Variants in TRPM3 observed in about 807,000 individuals in gnomAD.
TRPM3 encodes long transient receptor potential channel 3.
A neutral mutation model predicts 181.2 loss-of-function variants in TRPM3; 77 were observed. The observed-to-expected ratio is 0.42, with a 90% CI of 0.35 to 0.51. The LOEUF (loss-of-function observed/expected upper bound fraction) is 0.51, where lower values mean the gene tolerates loss of function less well. Among genes scored for constraint, TRPM3 ranks in the 20% least tolerant of loss-of-function variants. The pLI is 0.01. For missense variants in TRPM3, 1,759 were observed against 2,196.7 expected (o/e 0.80, Z 3.98); for synonymous variants, 745 against 796.4 (o/e 0.94, Z 1.09).
At chr9:71,190,951 C>A (rs2077984093) in intron 1 of TRPM3, among the ~76,000 whole-genome samples, 1 of 151,814 alleles carries the variant, frequency 6.6e-6, no homozygotes, top group Admixed American at 6.6e-5. Flanking sequence ...ACATAAGCTT[C>A]AATCCAAGCA....
At chr9:70,803,521 T>G in intron 6 of TRPM3, among the ~76,000 whole-genome samples, 1 of 145,100 alleles carries the variant, frequency 6.9e-6, no homozygotes, top group Non-Finnish European at 1.5e-5. Flanking sequence ...CGATCTCGGC[T>G]CACTGCAAGC....
intron 4 of TRPM3, among the ~76,000 whole-genome samples, chr9:70,844,441 C>G (rs1430336084): frequency 6.6e-6 from 1 of 151,944 alleles, no homozygotes; most frequent in Non-Finnish European, 1.5e-5. Context: ...AACAAACAAA[C>G]AAACAAACAA....
intron 1 of TRPM3, among the ~76,000 whole-genome samples, chr9:71,086,408 A>T (rs1181627304): frequency 1.3e-5 from 2 of 151,974 alleles, no homozygotes; most frequent in African/African-American, 4.8e-5. Flanking sequence ...CAGCAACCTT[A>T]AAAAATGAGG....
intron 19 of TRPM3, among the ~76,000 whole-genome samples, chr9:70,606,651 G>GTGTGTATATATATATA (rs145779027): frequency 2.7e-4 from 38 of 140,742 alleles, no homozygotes; most frequent in African/African-American, 7.6e-4. Context: ...GTGTGTGTGT[G>GTGTGTATATATATATA]TATATATATA....
chr9:70,739,182 A>G (rs920905826), intron 8 of TRPM3, among the ~76,000 whole-genome samples: 8 of 152,192 alleles, frequency 5.3e-5, no homozygotes, highest in African/African-American at 1.9e-4. Context: ...CAAAAAAGGA[A>G]AACTACAGAC....
At chr9:71,103,240 A>G (rs1057415482) in intron 1 of TRPM3, among the ~76,000 whole-genome samples, 9 of 152,166 alleles carry the variant, frequency 5.9e-5, no homozygotes, top group African/African-American at 2.2e-4. Flanking sequence ...TCTGATTACA[A>G]CCAAAGTAAA....
chr9:70,967,150 T>C (rs1285487621), intron 1 of TRPM3, among the ~76,000 whole-genome samples: 2 of 152,226 alleles, frequency 1.3e-5, no homozygotes, highest in East Asian at 3.9e-4. Context: ...ACAAATTTCA[T>C]TCTAATGCTA....
upstream of TRPM3, among the ~76,000 whole-genome samples, chr9:71,124,174 G>A (rs572450035): frequency 2.0e-3 from 311 of 152,184 alleles, 1 homozygote; most frequent in Non-Finnish European, 3.4e-3. Flanking sequence ...CATCACTGGG[G>A]ACGCTTTGTG....
chr9:70,955,791 G>A (rs2097062140), intron 1 of TRPM3, among the ~76,000 whole-genome samples: 1 of 152,130 alleles, frequency 6.6e-6, no homozygotes, highest in Non-Finnish European at 1.5e-5. Context: ...TTCCCTGTGG[G>A]ATAGAATCCA....
At chr9:70,549,725 G>C in intron 24 of TRPM3, 51 bp from the exon 25 acceptor site, 4 of 1,549,756 alleles carry the variant, frequency 2.6e-6, no homozygotes, top group Non-Finnish European at 2.6e-6. Flanking sequence ...TAAAAGCGAT[G>C]GCATCTGATT....
At chr9:70,883,938 GA>G (rs935624849) in intron 1 of TRPM3, among the ~76,000 whole-genome samples, 7 of 152,190 alleles carry the variant, frequency 4.6e-5, no homozygotes, top group Non-Finnish European at 8.8e-5. Context: ...TACAGAGGCT[GA>G]AACGTTCTGT....
At chr9:71,446,154 A>G (rs2094200617) in intron 1 of TRPM3, among the ~76,000 whole-genome samples, 1 of 152,200 alleles carries the variant, frequency 6.6e-6, no homozygotes, top group South Asian at 2.1e-4. Flanking sequence ...TATGCAAATG[A>G]CATCCTGCAA....
intron 1 of TRPM3, among the ~76,000 whole-genome samples, chr9:71,094,971 G>A (rs914988531): frequency 4.6e-5 from 7 of 152,216 alleles, no homozygotes; most frequent in South Asian, 2.1e-4. Flanking sequence ...TTGAAAGCAC[G>A]CATAGCTCTA....
At chr9:71,369,030 G>A (rs1289560142) in intron 1 of TRPM3, among the ~76,000 whole-genome samples, 2 of 152,064 alleles carry the variant, frequency 1.3e-5, no homozygotes, top group African/African-American at 4.8e-5. Flanking sequence ...ATGCTTAGAA[G>A]ATAGTCTTAT....
At chr9:71,000,817 T>C (rs1221739295) in intron 1 of TRPM3, among the ~76,000 whole-genome samples, 2 of 152,148 alleles carry the variant, frequency 1.3e-5, no homozygotes, top group East Asian at 3.9e-4. Flanking sequence ...TTAGTATCCA[T>C]AAAATAAAAA....
At chr9:70,810,799 C>A (rs2091887456) in intron 6 of TRPM3, among the ~76,000 whole-genome samples, 1 of 152,106 alleles carries the variant, frequency 6.6e-6, no homozygotes, top group Admixed American at 6.5e-5. Context: ...AAGGCTTAAC[C>A]TCTTGGAGGT....
At chr9:71,324,457 C>T (rs1188982522) in intron 1 of TRPM3, among the ~76,000 whole-genome samples, 2 of 150,824 alleles carry the variant, frequency 1.3e-5, no homozygotes, top group Non-Finnish European at 3.0e-5. Flanking sequence ...TTAAAAAGAC[C>T]AAAAATTACC....
At chr9:71,298,773 C>T (rs1055045996) in intron 1 of TRPM3, among the ~76,000 whole-genome samples, 2 of 152,052 alleles carry the variant, frequency 1.3e-5, no homozygotes, top group South Asian at 2.1e-4. Context: ...AGAGTACTTG[C>T]GTCACTAGGC....
chr9:70,764,557 T>C (rs2078738514), intron 7 of TRPM3, among the ~76,000 whole-genome samples: 2 of 152,142 alleles, frequency 1.3e-5, no homozygotes, highest in African/African-American at 2.4e-5. Flanking sequence ...GTTTCAGTGG[T>C]TAGGAAGCTG....
Sources: allele counts gnomAD v4.1 joint callset (sites outside exome capture counted in the v4.1 genomes callset), GRCh38; gene constraint gnomAD v4.1.1; transcripts MANE v1.5; gene names NCBI Gene and HGNC (gene_info 2026-07-23, HGNC 2026-07-21).